The following CDK14 variants were observed in gnomAD, a reference collection of about 807,000 sequenced individuals.
The protein encoded by CDK14 is cyclin-dependent kinase 14.
Under a neutral mutation model 60.7 loss-of-function variants are expected in CDK14, and 34 were observed. That is an observed-to-expected ratio of 0.56 (90% CI 0.43 to 0.75). CDK14 has a LOEUF of 0.75. CDK14 is among the 30% of genes least tolerant of loss of function. CDK14 has a pLI of 0.00. For synonymous variants in CDK14, 197 were observed against 203.7 expected, an observed-to-expected ratio of 0.97 and a Z score of 0.28; for missense variants, 482 against 564.1, an observed-to-expected ratio of 0.85 and a Z score of 1.47.
intron 4 of CDK14, among the ~76,000 whole-genome samples, chr7:90,782,270 A>AT (rs1256503648): frequency 1.3e-5 from 2 of 152,078 alleles, no homozygotes; most frequent in East Asian, 3.9e-4. Context: ...TTGATTTTAT[A>AT]CCTGAGACTT....
At chr7:91,044,869 C>T (rs1007515349) in intron 10 of CDK14, among the ~76,000 whole-genome samples, 10 of 152,156 alleles carry the variant, frequency 6.6e-5, no homozygotes, top group Admixed American at 4.6e-4. Flanking sequence ...GCTGGAGCCT[C>T]CCTGATCCGA....
chr7:90,950,731 G>T (rs1220135500), intron 8 of CDK14, among the ~76,000 whole-genome samples: 1 of 152,172 alleles, frequency 6.6e-6, no homozygotes, highest in Non-Finnish European at 1.5e-5. Flanking sequence ...GGACATTTTT[G>T]ATTTAGAAAC....
At chr7:90,781,327 G>C (rs896227299) in intron 4 of CDK14, among the ~76,000 whole-genome samples, 4 of 152,104 alleles carry the variant, frequency 2.6e-5, no homozygotes, top group Non-Finnish European at 5.9e-5. Context: ...CCCTTTGTCA[G>C]ATGAGTAGGT....
At chr7:90,817,984 A>T (rs1789411420) in intron 5 of CDK14, among the ~76,000 whole-genome samples, 1 of 152,232 alleles carries the variant, frequency 6.6e-6, no homozygotes, top group South Asian at 2.1e-4. Context: ...ACAGATTCAC[A>T]CCTAAGCCCA....
chr7:91,125,560 A>G (rs1459586000), intron 14 of CDK14, among the ~76,000 whole-genome samples: 2 of 152,286 alleles, frequency 1.3e-5, no homozygotes, highest in East Asian at 3.9e-4. Flanking sequence ...ATACACAAAC[A>G]CACACCATTC....
chr7:90,653,991 A>T (rs1231807359), intron 2 of CDK14, among the ~76,000 whole-genome samples: 1 of 152,228 alleles, frequency 6.6e-6, no homozygotes, highest in Non-Finnish European at 1.5e-5. Context: ...TACAAAGGAC[A>T]TGAACTCATC....
At chr7:91,105,281 A>T (rs1459808944) in intron 12 of CDK14, among the ~76,000 whole-genome samples, 1 of 152,252 alleles carries the variant, frequency 6.6e-6, no homozygotes, top group East Asian at 1.9e-4. Context: ...GGTAGGGAAT[A>T]GGAATTGAGA....
intron 14 of CDK14, among the ~76,000 whole-genome samples, chr7:91,177,728 A>C (rs201453202): frequency 0.055 from 7,749 of 140,868 alleles, 327 homozygotes; most frequent in East Asian, 0.41. Flanking sequence ...AAAGAGAATA[A>C]AATACCTAGG....
chr7:90,747,069 A>G (rs144794844), intron 3 of CDK14, among the ~76,000 whole-genome samples: 2,336 of 152,334 alleles, frequency 0.015, 21 homozygotes, highest in Middle Eastern at 0.027. Flanking sequence ...ATGAAACAAT[A>G]TGCAGGTGAA....
chr7:90,735,612 T>G (rs564745656), intron 3 of CDK14, among the ~76,000 whole-genome samples: 7 of 152,240 alleles, frequency 4.6e-5, no homozygotes, highest in Admixed American at 6.5e-5. Flanking sequence ...TCCCGATGGC[T>G]TTGTTTACAC....
chr7:90,907,230 C>G (rs2117380756), intron 7 of CDK14, among the ~76,000 whole-genome samples: 1 of 151,952 alleles, frequency 6.6e-6, no homozygotes, highest in Non-Finnish European at 1.5e-5. Context: ...ATTCCCCACT[C>G]CCTTTAAAGA....
chr7:90,930,529 CTTT>C (rs61187542), intron 8 of CDK14, among the ~76,000 whole-genome samples: 1 of 81,386 alleles, frequency 1.2e-5, no homozygotes. Context: ...ACAGGCTAAG[CTTT>C]TTTTTTTTTT....
At chr7:90,603,446 A>G (rs557958048) in intron 1 of CDK14, among the ~76,000 whole-genome samples, 4 of 152,290 alleles carry the variant, frequency 2.6e-5, no homozygotes, top group Admixed American at 1.3e-4. Context: ...AACATGCTGT[A>G]TAGGTTTGTA....
chr7:90,819,287 A>G (rs1789460332), intron 5 of CDK14, among the ~76,000 whole-genome samples: 1 of 152,196 alleles, frequency 6.6e-6, no homozygotes, highest in Non-Finnish European at 1.5e-5. Context: ...CAAGGAAGTA[A>G]CTGAAATGAT....
intron 12 of CDK14, among the ~76,000 whole-genome samples, chr7:91,093,317 GA>G (rs1798886113): frequency 6.6e-6 from 1 of 152,188 alleles, no homozygotes; most frequent in Non-Finnish European, 1.5e-5. Flanking sequence ...TACTAGGCAG[GA>G]GGAAATCAAG....
chr7:91,019,417 C>T (rs1368893024), intron 10 of CDK14, among the ~76,000 whole-genome samples: 1 of 152,096 alleles, frequency 6.6e-6, no homozygotes, highest in Non-Finnish European at 1.5e-5. Flanking sequence ...GAATTATGAA[C>T]AATAATACAT....
At chr7:90,812,854 G>A (rs1003762281) in intron 5 of CDK14, among the ~76,000 whole-genome samples, 21 of 152,204 alleles carry the variant, frequency 1.4e-4, no homozygotes, top group South Asian at 4.1e-4. Context: ...AAAATAGTTT[G>A]ACTGTTTTTT....
At chr7:90,727,750 T>A (rs143810134) in intron 3 of CDK14, among the ~76,000 whole-genome samples, 1 of 152,256 alleles carries the variant, frequency 6.6e-6, no homozygotes, top group Admixed American at 6.6e-5. Context: ...AATCTATCAG[T>A]TTTTCTCCCC....
At chr7:90,682,833 T>G (rs116273377) in intron 2 of CDK14, among the ~76,000 whole-genome samples, 2,989 of 152,310 alleles carry the variant, frequency 0.02, 106 homozygotes, top group African/African-American at 0.068. Context: ...AAATGGAATG[T>G]CCCTCATGTT....
Sources: gnomAD v4.1 joint callset for allele counts (sites outside exome capture counted in the v4.1 genomes callset) on GRCh38, gnomAD v4.1.1 for gene constraint, MANE v1.5 for transcripts, NCBI Gene and HGNC (gene_info 2026-07-23, HGNC 2026-07-21) for gene names.